Variants in ZBTB20 observed in about 807,000 individuals in gnomAD.
The protein encoded by ZBTB20 is zinc finger and BTB domain containing 20.
ZBTB20 carries 9 observed loss-of-function variants against 56.9 expected under a neutral mutation model. The observed-to-expected ratio is 0.16, with a 90% CI of 0.10 to 0.28. The LOEUF (loss-of-function observed/expected upper bound fraction) is 0.28. ZBTB20 is among the 10% of genes least tolerant of loss of function. The pLI is 1.00. For missense variants in ZBTB20, 655 were observed against 1,003.0 expected, an observed-to-expected ratio of 0.65 and a Z score of 4.69; for synonymous variants, 417 against 420.7, an observed-to-expected ratio of 0.99 and a Z score of 0.11.
At chr3:114,660,891 G>A (rs1323203516) in intron 6 of ZBTB20, among the ~76,000 whole-genome samples, 3 of 152,072 alleles carry the variant, frequency 2.0e-5, no homozygotes, top group Non-Finnish European at 2.9e-5. Flanking sequence ...TGGATGGGGG[G>A]TGGAGAGAGA....
intron 3 of ZBTB20, among the ~76,000 whole-genome samples, chr3:114,936,489 T>C (rs1334181621): frequency 1.3e-5 from 2 of 152,292 alleles, no homozygotes; most frequent in East Asian, 3.9e-4. Flanking sequence ...TAGATAAGTA[T>C]TGAATGAGAC....
At chr3:114,980,897 TA>T (rs1021134707) in intron 2 of ZBTB20, among the ~76,000 whole-genome samples, 3 of 151,998 alleles carry the variant, frequency 2.0e-5, no homozygotes, top group African/African-American at 4.8e-5. Context: ...CTAAGGGTTC[TA>T]GGGGGAAAGG....
chr3:114,896,802 G>A (rs1309084385), intron 4 of ZBTB20, among the ~76,000 whole-genome samples: 1 of 151,830 alleles, frequency 6.6e-6, no homozygotes, highest in Non-Finnish European at 1.5e-5. Context: ...AAAAATTTGG[G>A]GAAAATAATA....
Position 114,330,134 on chromosome 3 carries a change from C to T in ZBTB20, c.*8871G>A, listed in dbSNP as rs1214075676. ...AACCTCTTTGTATTAGTCACACCAACAAAAAAGTTTCAAAAAAAGTTTTCA... is the reference window on the plus strand; with the variant it reads ...AACCTCTTTGTATTAGTCACACCAATAAAAAAGTTTCAAAAAAAGTTTTCA... On this transcript the variant is annotated 3_prime_UTR_variant, in exon 12 of 12. Transcript: ENST00000675478. The T allele has an allele frequency of 1.3e-5, 2 of 152,090 alleles. No individual in the cohort carries two copies. Among genetic ancestry groups the T allele is most frequent in the East Asian group, 1.9e-4 (1 of 5,194 alleles). The allele number at this position is 152,090 out of a possible 1,614,324, so 9.4% of individuals were successfully genotyped here. A position where few individuals can be genotyped will look rare whatever the true frequency, so the allele number is the denominator to read the frequency against.
intron 3 of ZBTB20, among the ~76,000 whole-genome samples, chr3:114,961,678 A>G (rs1167250887): frequency 6.6e-6 from 1 of 152,138 alleles, no homozygotes; most frequent in Non-Finnish European, 1.5e-5. Flanking sequence ...CTAAGAGGAA[A>G]CCCTATAATA....
chr3:114,732,564 T>A (rs1299356379), intron 5 of ZBTB20, among the ~76,000 whole-genome samples: 1 of 152,184 alleles, frequency 6.6e-6, no homozygotes, highest in African/African-American at 2.4e-5. Context: ...GCAGTACTCC[T>A]GGGGAAGGCT....
At chr3:114,592,440 A>C (rs917124931) in intron 6 of ZBTB20, among the ~76,000 whole-genome samples, 36 of 152,248 alleles carry the variant, frequency 2.4e-4, no homozygotes, top group African/African-American at 8.4e-4. Context: ...TTCTATGTCT[A>C]TAACTTGCAG....
At chr3:114,436,376 T>C (rs1054336164) in intron 7 of ZBTB20, among the ~76,000 whole-genome samples, 1 of 152,140 alleles carries the variant, frequency 6.6e-6, no homozygotes, top group South Asian at 2.1e-4. Context: ...AGCTCTGCTG[T>C]TGAGTTTGGT....
At chr3:114,982,697 C>A (rs1318274060) in intron 2 of ZBTB20, among the ~76,000 whole-genome samples, 1 of 152,020 alleles carries the variant, frequency 6.6e-6, no homozygotes, top group East Asian at 1.9e-4. Flanking sequence ...CCTGTGGGTA[C>A]ATGTGCACAA....
At chr3:114,682,549 T>C (rs1346426653) in intron 6 of ZBTB20, among the ~76,000 whole-genome samples, 1 of 152,172 alleles carries the variant, frequency 6.6e-6, no homozygotes, top group African/African-American at 2.4e-5. Context: ...TTATTTTCTA[T>C]TCAGTGCTTA....
intron 6 of ZBTB20, among the ~76,000 whole-genome samples, chr3:114,606,004 T>C (rs1348339441): frequency 2.0e-5 from 3 of 152,130 alleles, no homozygotes; most frequent in Non-Finnish European, 2.9e-5. Context: ...GAGATCTGAA[T>C]GAACAGAAAG....
At chr3:115,117,864 T>C (rs2084065048) in intron 1 of ZBTB20, among the ~76,000 whole-genome samples, 1 of 152,182 alleles carries the variant, frequency 6.6e-6, no homozygotes, top group Non-Finnish European at 1.5e-5. Flanking sequence ...AACTGAAAGA[T>C]TAGCTTTTCA....
rs114484886 is a variant in ZBTB20, at chr3:114,377,580, G to A, written c.199+2637C>T. Reference sequence around the variant, plus strand: ...GCAGAGCTGACTTTTCTTTTGTGGCGATGCTTTATCCATCATGTTTTACAA... The same window carrying A: ...GCAGAGCTGACTTTTCTTTTGTGGCAATGCTTTATCCATCATGTTTTACAA... On this transcript the variant is annotated intron_variant, in intron 10 of 11. Transcript: ENST00000675478. Among the ~76,000 whole-genome samples the A allele has an allele frequency of 3.5e-3, 532 of 152,206 alleles. 3 individuals are homozygous for A. The highest frequency in any genetic ancestry group is 0.014 in the Middle Eastern group (4 of 294).
intron 6 of ZBTB20, among the ~76,000 whole-genome samples, chr3:114,500,674 T>C (rs2043841635): frequency 6.6e-6 from 1 of 152,218 alleles, no homozygotes; most frequent in African/African-American, 2.4e-5. Flanking sequence ...TTCATTCTAA[T>C]CTGTATCATA....
chr3:114,595,941 T>G (rs1266589189), intron 6 of ZBTB20, among the ~76,000 whole-genome samples: 1 of 152,232 alleles, frequency 6.6e-6, no homozygotes, highest in Non-Finnish European at 1.5e-5. Context: ...AAAGTTGACA[T>G]AATAATGCTT....
chr3:114,521,436 T>A (rs1197890056), intron 6 of ZBTB20, among the ~76,000 whole-genome samples: 1 of 152,188 alleles, frequency 6.6e-6, no homozygotes, highest in African/African-American at 2.4e-5. Flanking sequence ...TTATAATCAC[T>A]TTCCACTTTA....
intron 7 of ZBTB20, among the ~76,000 whole-genome samples, chr3:114,421,616 A>C (rs1463872416): frequency 1.3e-5 from 2 of 152,120 alleles, no homozygotes; most frequent in Non-Finnish European, 2.9e-5. Context: ...TCAAGCCTGC[A>C]GTAGGTATAG....
rs796952164 is a variant in ZBTB20 at position 114,461,306 on chromosome 3, CT to C, written c.-255+39045del. ...AACAAAACAATCTCCTCCCCCCCCC[CT>C]CTTTTTTTTTGAGACAGGGTCTTGC... is the stretch of plus-strand genomic sequence containing the variant. On this transcript the variant is annotated intron_variant, in intron 7 of 11. Transcript: ENST00000675478. 1.2e-3 allele frequency among the ~76,000 whole-genome samples: 177 copies of C among 148,332 alleles called. 1 individual carries two copies. Among genetic ancestry groups the C allele is most frequent in the African/African-American group, 2.6e-3 (104 of 40,574 alleles).
At position 114,328,091 on chromosome 3, in the gene ZBTB20, C is replaced by T. The variant is rs943364572; in HGVS notation, c.*10914G>A. On this transcript the variant is annotated 3_prime_UTR_variant, in exon 12 of 12. Coordinates refer to ENST00000675478, the MANE Select transcript of ZBTB20 (RefSeq NM_001348800.3). ...TGGCTCTTTAGGTATCCATTTAGCT[C>T]TGTTATTATTTTATTTAAGTATATA... 1.3e-5 allele frequency: 2 copies of T among 152,064 alleles called. No individual in the cohort carries two copies. The highest frequency in any genetic ancestry group is 6.6e-5 in the Admixed American group (1 of 15,252). The allele number at this position is 152,064 out of a possible 1,614,324, so 9.4% of individuals were successfully genotyped here. A position where few individuals can be genotyped will look rare whatever the true frequency, so the allele number is the denominator to read the frequency against.
Sources: gnomAD v4.1 joint callset for allele counts (sites outside exome capture counted in the v4.1 genomes callset) on GRCh38, gnomAD v4.1.1 for gene constraint, MANE v1.5 for transcripts, NCBI Gene and HGNC (gene_info 2026-07-23, HGNC 2026-07-21) for gene names.